Variants in NUDT19 observed in about 807,000 individuals in gnomAD.
NUDT19 encodes the protein nudix hydrolase 19.
Under a neutral mutation model 22.2 loss-of-function variants are expected in NUDT19, and 31 were observed. That is an observed-to-expected ratio of 1.40 (90% CI 1.05 to 1.89). The LOEUF (loss-of-function observed/expected upper bound fraction) is 1.89, where lower values mean the gene tolerates loss of function less well. Among genes scored for constraint, NUDT19 ranks in the 40% most tolerant of loss-of-function variants. The pLI, the probability that NUDT19 is intolerant of heterozygous loss-of-function variation, is 0.00. For synonymous variants in NUDT19, 325 were observed against 230.8 expected (o/e 1.41, Z -3.70); for missense variants, 752 against 514.2 (o/e 1.46, Z -4.47).
In NUDT19 at chr19:32,692,296, C is replaced by T. The variant is rs373532530; in HGVS notation, c.336C>T (p.Thr112=). ...TGCCCGACACCGATGACCACAAGAC[C>T]GACAACACTGGGACGCTGCCTGAGG... is the stretch of plus-strand genomic sequence containing the variant. ...PSLPDTDDHK[T]DNTGTLPEDV... The change falls in exon 1 of 3, where the codon ACC becomes ACT. Residue 112 remains threonine (T), a synonymous_variant. Transcript: ENST00000397061. 1 of 1,593,694 alleles carries T rather than the reference C, an allele frequency of 6.3e-7. No homozygotes were observed. Among genetic ancestry groups the T allele is most frequent in the Non-Finnish European group, 8.5e-7 (1 of 1,178,024 alleles).
chr19:32,697,342 AATAAACTTG>A (rs1229847773), intron 1 of NUDT19, among the ~76,000 whole-genome samples: 6 of 152,130 alleles, frequency 3.9e-5, no homozygotes, highest in Non-Finnish European at 8.8e-5. Flanking sequence ...ATGATTGGGT[AATAAACTTG>A]TCTTTTAGGA....
chr19:32,703,360 T>G (rs1244806686), intron 1 of NUDT19, among the ~76,000 whole-genome samples: 1 of 152,154 alleles, frequency 6.6e-6, no homozygotes, highest in Non-Finnish European at 1.5e-5. Context: ...TTACTATTTT[T>G]TTATTGAGAT....
intron 1 of NUDT19, among the ~76,000 whole-genome samples, chr19:32,694,018 G>A (rs1392968779): frequency 1.3e-5 from 2 of 152,206 alleles, no homozygotes; most frequent in Admixed American, 6.5e-5. Flanking sequence ...CGGTCCAGGG[G>A]TCCTCGGTAG....
chr19:32,698,654 G>T (rs1277733458), intron 1 of NUDT19, among the ~76,000 whole-genome samples: 1 of 152,236 alleles, frequency 6.6e-6, no homozygotes, highest in Non-Finnish European at 1.5e-5. Flanking sequence ...CAGAATGGTT[G>T]TGCTCACTGA....
At chr19:32,711,618 A>G in intron 2 of NUDT19, 134 bp from the exon 3 acceptor site, 1 of 619,148 alleles carries the variant, frequency 1.6e-6, no homozygotes, top group Non-Finnish European at 2.9e-6. Context: ...AGATAAAAAT[A>G]CTGATTTGTA....
At position 32,692,507 on chromosome 19, in the gene NUDT19, G is replaced by A. The variant is rs775173145; in HGVS notation, c.547G>A (p.Ala183Thr). The A allele has an allele frequency of 1.0e-5, 16 of 1,558,990 alleles. No individual in the cohort carries two copies. The South Asian group carries it at 1.3e-4, about 13-fold the overall frequency. ...CCCGCGCCACTTCCTGCGGCTGTGC[G>A]CCCACCTCGACTGCACACCCGACAT... is the stretch of plus-strand genomic sequence containing the variant. Reference protein sequence around the residue: ...QDPRHFLRLCAHLDCTPDIWA... With the variant: ...QDPRHFLRLCTHLDCTPDIWA... Residue 183 changes from alanine (A) to threonine (T), a missense_variant, in exon 1 of 3, where the codon GCC (alanine) becomes ACC (threonine). Transcript: ENST00000397061.
chr19:32,709,069 G>A (rs986776708), intron 1 of NUDT19, 116 bp from the exon 2 acceptor site: 15 of 741,782 alleles, frequency 2.0e-5, no homozygotes, highest in African/African-American at 5.2e-5. Flanking sequence ...CTCACAGGGC[G>A]CATTAATGAA....
chr19:32,692,457 C>G lies in NUDT19; in HGVS notation c.497C>G (p.Ser166Cys), dbSNP rs770497907. 1.3e-6 allele frequency: 2 copies of G among 1,546,204 alleles called. No homozygotes were observed. The highest frequency in any genetic ancestry group is 1.7e-6 in the Non-Finnish European group (2 of 1,150,762). Residue 166 changes from serine to cysteine, a missense_variant, in exon 1 of 3, where the codon TCC becomes TGC. Ser to Cys is a moderately radical substitution (Grantham distance 112). Coordinates refer to ENST00000397061, the MANE Select transcript of NUDT19 (RefSeq NM_001105570.2). ...LALEPPPGLASWRDRVRQDPR... is the reference protein window; with the variant it reads ...LALEPPPGLACWRDRVRQDPR... Reference sequence around the variant, plus strand: ...CTGGAGCCACCGCCGGGCCTGGCCTCCTGGCGCGACCGCGTGCGCCAGGAC... The same window carrying G: ...CTGGAGCCACCGCCGGGCCTGGCCTGCTGGCGCGACCGCGTGCGCCAGGAC...
At chr19:32,705,979 G>A (rs1040454012) in intron 1 of NUDT19, among the ~76,000 whole-genome samples, 3 of 152,086 alleles carry the variant, frequency 2.0e-5, no homozygotes, top group African/African-American at 2.4e-5. Flanking sequence ...GAAGGAATTC[G>A]AATAATCCTT....
At chr19:32,693,584 CTGCTGATTGGTCCATTTTGCAGAG>C (rs1254731483) in intron 1 of NUDT19, among the ~76,000 whole-genome samples, 3 of 152,294 alleles carry the variant, frequency 2.0e-5, no homozygotes, top group Non-Finnish European at 2.9e-5. Context: ...TGCCCATGTC[CTGCTGATTGGTCCATTTTGCAGAG>C]TGCTGATTGG....
chr19:32,712,288 A>C lies in NUDT19; in HGVS notation c.*331A>C, dbSNP rs771950383. The C allele has an allele frequency of 5.0e-6, 1 of 198,146 alleles. No homozygotes were observed. The highest frequency in any genetic ancestry group is 1.4e-4 in the East Asian group (1 of 7,112). The allele number at this position is 198,146 out of a possible 1,614,324, so 12.3% of individuals were successfully genotyped here. A position where few individuals can be genotyped will look rare whatever the true frequency, so the allele number is the denominator to read the frequency against. ...GAGACGGGTTTTCACCGTGTTAGCCAGGATGGTCTCAATCTCTTGACCTCG... is the reference window on the plus strand; with the variant it reads ...GAGACGGGTTTTCACCGTGTTAGCCCGGATGGTCTCAATCTCTTGACCTCG... On this transcript the variant is annotated 3_prime_UTR_variant, in exon 3 of 3. Transcript: ENST00000397061.
At chr19:32,706,312 A>C (rs1177914149) in intron 1 of NUDT19, among the ~76,000 whole-genome samples, 1 of 152,174 alleles carries the variant, frequency 6.6e-6, no homozygotes, top group Non-Finnish European at 1.5e-5. Context: ...TGAAAATATT[A>C]AGATATTTGG....
At chr19:32,706,649 C>T (rs143270368) in intron 1 of NUDT19, among the ~76,000 whole-genome samples, 257 of 152,266 alleles carry the variant, frequency 1.7e-3, no homozygotes, top group African/African-American at 5.8e-3. Flanking sequence ...CGCCATTGCA[C>T]TCCAGCCTGG....
At chr19:32,697,896 C>T (rs561568481) in intron 1 of NUDT19, among the ~76,000 whole-genome samples, 1 of 152,268 alleles carries the variant, frequency 6.6e-6, no homozygotes, top group East Asian at 1.9e-4. Flanking sequence ...GGAACATGTA[C>T]CTAGGTTGGG....
At chr19:32,698,036 T>C (rs183736183) in intron 1 of NUDT19, among the ~76,000 whole-genome samples, 1 of 152,200 alleles carries the variant, frequency 6.6e-6, no homozygotes, top group East Asian at 1.9e-4. Context: ...GGATTATCAT[T>C]AATAGGAAGG....
At position 32,713,054 on chromosome 19, in the gene NUDT19, CT is replaced by C. The variant is rs1434292575; in HGVS notation, c.*1100del. ...CCATGTCATTGTTTTCTTGCTATGT[CT>C]TTAGCTTAATGATTAAGATACAATT... On this transcript the variant is annotated 3_prime_UTR_variant, in exon 3 of 3. Coordinates refer to ENST00000397061, the MANE Select transcript of NUDT19 (RefSeq NM_001105570.2). The C allele has an allele frequency of 6.6e-6, 1 of 152,134 alleles. No homozygotes were observed. The highest frequency in any genetic ancestry group is 1.9e-4 in the East Asian group (1 of 5,198). The allele number at this position is 152,134 out of a possible 1,614,324, so 9.4% of individuals were successfully genotyped here.
intron 1 of NUDT19, among the ~76,000 whole-genome samples, chr19:32,693,447 C>T (rs1968226881): frequency 6.6e-6 from 1 of 152,090 alleles, no homozygotes; most frequent in African/African-American, 2.4e-5. Flanking sequence ...TAGTGCGGAC[C>T]CAAGGAGTGA....
intron 1 of NUDT19, among the ~76,000 whole-genome samples, chr19:32,700,028 G>A (rs746294171): frequency 1.6e-4 from 24 of 152,204 alleles, no homozygotes; most frequent in Non-Finnish European, 8.8e-5. Context: ...AGACCTTCGC[G>A]GTGAGTGTTA....
chr19:32,698,414 G>A (rs539987407), intron 1 of NUDT19, among the ~76,000 whole-genome samples: 70 of 152,160 alleles, frequency 4.6e-4, no homozygotes, highest in East Asian at 3.9e-4. Context: ...AGACAAAACC[G>A]CCTGTGGTTT....
Sources: gnomAD v4.1 joint callset for allele counts (sites outside exome capture counted in the v4.1 genomes callset) on GRCh38, gnomAD v4.1.1 for gene constraint, MANE v1.5 for transcripts, NCBI Gene and HGNC (gene_info 2026-07-23, HGNC 2026-07-21) for gene names.